Variants in LUZP2 observed in about 807,000 individuals in gnomAD.
LUZP2 encodes the protein leucine zipper protein 2.
In LUZP2, 52 loss-of-function variants were observed where a neutral mutation model predicts 51.6. The observed-to-expected ratio is 1.01, with a 90% CI of 0.81 to 1.27. The LOEUF (loss-of-function observed/expected upper bound fraction) is 1.27. LUZP2 is among the 50% of genes most tolerant of loss of function. The pLI, the probability that LUZP2 is intolerant of heterozygous loss-of-function variation, is 0.00. For synonymous variants in LUZP2, 154 were observed against 137.3 expected, an observed-to-expected ratio of 1.12 and a Z score of -0.85; for missense variants, 436 against 395.4, an observed-to-expected ratio of 1.10 and a Z score of -0.87.
chr11:24,941,500 CA>C (rs1018979843), intron 7 of LUZP2, among the ~76,000 whole-genome samples: 4 of 152,134 alleles, frequency 2.6e-5, no homozygotes, highest in Non-Finnish European at 5.9e-5. Flanking sequence ...GAAGCAACTT[CA>C]GCGTGTCCAA....
intron 7 of LUZP2, among the ~76,000 whole-genome samples, chr11:24,929,677 A>G (rs1434453761): frequency 1.3e-5 from 2 of 152,094 alleles, no homozygotes; most frequent in African/African-American, 4.8e-5. Context: ...GTGCCAATGA[A>G]TAGAGTATAT....
chr11:24,831,412 T>G (rs918812181), intron 5 of LUZP2, among the ~76,000 whole-genome samples: 9 of 152,210 alleles, frequency 5.9e-5, no homozygotes, highest in Non-Finnish European at 1.3e-4. Flanking sequence ...TAAGTGACAT[T>G]AACATTTTGG....
intron 9 of LUZP2, among the ~76,000 whole-genome samples, chr11:25,012,451 G>A (rs1364555454): frequency 6.6e-6 from 1 of 152,142 alleles, no homozygotes; most frequent in African/African-American, 2.4e-5. Context: ...CTAGAAAGGT[G>A]TTCCTATCTC....
intron 5 of LUZP2, among the ~76,000 whole-genome samples, chr11:24,769,694 T>C (rs1860331335): frequency 1.3e-5 from 1 of 77,038 alleles, no homozygotes; most frequent in Admixed American, 1.0e-4. Context: ...TGGTGGTCTA[T>C]TTTTTTTTTT....
chr11:24,952,227 G>A (rs1386069385), intron 7 of LUZP2, among the ~76,000 whole-genome samples: 6 of 151,318 alleles, frequency 4.0e-5, no homozygotes, highest in African/African-American at 1.2e-4. Flanking sequence ...TCTATGTATC[G>A]TGATCACATT....
intron 6 of LUZP2, among the ~76,000 whole-genome samples, chr11:24,909,464 C>T (rs1215329115): frequency 6.6e-6 from 1 of 151,026 alleles, no homozygotes; most frequent in Non-Finnish European, 1.5e-5. Flanking sequence ...AGTAATCTCC[C>T]ACTCTCCCTT....
chr11:24,602,374 G>GTA (rs1176071769), intron 1 of LUZP2, among the ~76,000 whole-genome samples: 1,984 of 67,028 alleles, frequency 0.03, 66 homozygotes, highest in African/African-American at 0.089. Context: ...GTGTGTGTGT[G>GTA]TATATATATA....
At chr11:24,977,971 C>T (rs988296087) in intron 8 of LUZP2, among the ~76,000 whole-genome samples, 2 of 150,928 alleles carry the variant, frequency 1.3e-5, no homozygotes, top group Non-Finnish European at 3.0e-5. Flanking sequence ...CATTTATTTG[C>T]GAAAATTAAG....
At chr11:24,973,020 C>T (rs1855789395) in intron 7 of LUZP2, among the ~76,000 whole-genome samples, 1 of 147,314 alleles carries the variant, frequency 6.8e-6, no homozygotes, top group Non-Finnish European at 1.5e-5. Context: ...TTCTTTGTAC[C>T]TCTGGTAGAA....
At chr11:25,044,627 T>A (rs539658267) in intron 9 of LUZP2, among the ~76,000 whole-genome samples, 1 of 152,236 alleles carries the variant, frequency 6.6e-6, no homozygotes, top group South Asian at 2.1e-4. Context: ...GTAAACTAGT[T>A]CAACCATTGT....
At chr11:24,694,525 G>T (rs1448889023) in intron 1 of LUZP2, among the ~76,000 whole-genome samples, 1 of 151,990 alleles carries the variant, frequency 6.6e-6, no homozygotes, top group African/African-American at 2.4e-5. Flanking sequence ...ATTCCTCAAG[G>T]ATCTAGAACC....
rs900793099 is a variant in LUZP2, at chr11:24,845,004, A to G, written c.397-60987A>G. Among the ~76,000 whole-genome samples, 9 of 152,026 alleles carry G rather than the reference A, an allele frequency of 5.9e-5. 2 individuals carry two copies. Among genetic ancestry groups the G allele is most frequent in the Admixed American group, 3.3e-4 (5 of 15,258 alleles). The stretch of plus-strand genomic sequence containing the variant: ...GGAATGTGGGGCCACAGCCCCCCAC[A>G]CAAAGTCCCTATTGCAGCACCACCT... On this transcript the variant is annotated intron_variant, in intron 5 of 11. Coordinates refer to ENST00000336930, the MANE Select transcript of LUZP2 (RefSeq NM_001009909.4).
At chr11:24,653,618 A>G (rs187605400) in intron 1 of LUZP2, among the ~76,000 whole-genome samples, 1 of 152,306 alleles carries the variant, frequency 6.6e-6, no homozygotes, top group East Asian at 1.9e-4. Context: ...AGAGCATAAG[A>G]GTGAACAGAA....
At chr11:24,726,189 A>G (rs887719425) in intron 1 of LUZP2, among the ~76,000 whole-genome samples, 1 of 152,206 alleles carries the variant, frequency 6.6e-6, no homozygotes, top group Non-Finnish European at 1.5e-5. Context: ...ACAAGTGGTA[A>G]TCTTATGAAA....
chr11:24,689,325 A>T (rs1856996762), intron 1 of LUZP2, among the ~76,000 whole-genome samples: 1 of 152,132 alleles, frequency 6.6e-6, no homozygotes, highest in Admixed American at 6.5e-5. Flanking sequence ...TATTTACTGA[A>T]GTTGTATGCA....
At chr11:24,806,640 T>C (rs1027479372) in intron 5 of LUZP2, among the ~76,000 whole-genome samples, 2 of 152,142 alleles carry the variant, frequency 1.3e-5, no homozygotes, top group Non-Finnish European at 2.9e-5. Flanking sequence ...TGAAATGAGG[T>C]AAGGCAATGT....
chr11:24,823,438 C>A (rs1441428499), intron 5 of LUZP2, among the ~76,000 whole-genome samples: 1 of 149,004 alleles, frequency 6.7e-6, no homozygotes, highest in African/African-American at 2.5e-5. Flanking sequence ...CCTTGGAGGC[C>A]ATAGAAATAA....
chr11:24,935,008 G>A (rs1246589209), intron 7 of LUZP2, among the ~76,000 whole-genome samples: 1 of 152,206 alleles, frequency 6.6e-6, no homozygotes, highest in South Asian at 2.1e-4. Flanking sequence ...TTGTAGAGCA[G>A]TATATGTAAG....
At position 24,543,535 on chromosome 11, in the gene LUZP2, T is replaced by A. The variant is rs115947972; in HGVS notation, c.62+46230T>A. ...TTGAGACATACAGTTTGTATTGCTATGAGCGAGGAAATAGAGACAAATGGA... is the reference window on the plus strand; with the variant it reads ...TTGAGACATACAGTTTGTATTGCTAAGAGCGAGGAAATAGAGACAAATGGA... On this transcript the variant is annotated intron_variant, in intron 1 of 11. Coordinates refer to ENST00000336930, the MANE Select transcript of LUZP2 (RefSeq NM_001009909.4). Among the ~76,000 whole-genome samples, 353 of 152,100 alleles carry A rather than the reference T, an allele frequency of 2.3e-3. 1 individual carries two copies. The highest frequency in any genetic ancestry group is 8.2e-3 in the African/African-American group (341 of 41,530).
Sources: gnomAD v4.1 joint callset for allele counts (sites outside exome capture counted in the v4.1 genomes callset) on GRCh38, gnomAD v4.1.1 for gene constraint, MANE v1.5 for transcripts, NCBI Gene and HGNC (gene_info 2026-07-23, HGNC 2026-07-21) for gene names.